The following DCDC1 variants were observed in gnomAD, a reference collection of about 807,000 sequenced individuals.
The protein encoded by DCDC1 is doublecortin domain containing 1.
In DCDC1, 200 loss-of-function variants were observed where a neutral mutation model predicts 178.3. The observed-to-expected ratio is 1.12, with a 90% CI of 1.00 to 1.26. DCDC1 has a LOEUF of 1.26. Among genes scored for constraint, DCDC1 ranks in the 50% most tolerant of loss-of-function variants. DCDC1 has a pLI of 0.00. For synonymous variants in DCDC1, 690 were observed against 604.8 expected, an observed-to-expected ratio of 1.14 and a Z score of -2.07; for missense variants, 1,983 against 1,749.2, an observed-to-expected ratio of 1.13 and a Z score of -2.38.
chr11:30,880,433 A>C (rs938918810), intron 37 of DCDC1, among the ~76,000 whole-genome samples: 4 of 152,196 alleles, frequency 2.6e-5, no homozygotes, highest in African/African-American at 9.6e-5. Context: ...TGGTTTGCCT[A>C]CATTACATAC....
intron 38 of DCDC1, among the ~76,000 whole-genome samples, chr11:30,875,539 A>C (rs1382768111): frequency 2.3e-5 from 2 of 86,584 alleles, no homozygotes; most frequent in South Asian, 3.7e-4. Context: ...ATTCGCTTCC[A>C]AATGATGCAA....
chr11:30,997,558 T>TA (rs1477311833), intron 20 of DCDC1, among the ~76,000 whole-genome samples: 1 of 152,212 alleles, frequency 6.6e-6, no homozygotes, highest in Non-Finnish European at 1.5e-5. Flanking sequence ...ATAAGTATTG[T>TA]ATGCCAGCTG....
At chr11:30,869,168 T>C (rs1941302231) in intron 38 of DCDC1, among the ~76,000 whole-genome samples, 1 of 152,246 alleles carries the variant, frequency 6.6e-6, no homozygotes, top group African/African-American at 2.4e-5. Flanking sequence ...AAGGTACAGT[T>C]GGCAAAGTAG....
At chr11:31,056,868 G>A (rs974064928) in intron 20 of DCDC1, among the ~76,000 whole-genome samples, 2 of 152,052 alleles carry the variant, frequency 1.3e-5, no homozygotes, top group African/African-American at 4.8e-5. Context: ...TTCAGAATAT[G>A]TATTTTCTCA....
At chr11:30,884,377 T>A (rs974962590) in intron 36 of DCDC1, among the ~76,000 whole-genome samples, 4 of 152,150 alleles carry the variant, frequency 2.6e-5, no homozygotes, top group African/African-American at 9.7e-5. Flanking sequence ...CCTCTCTTTT[T>A]TTTGTTACGA....
intron 10 of DCDC1, among the ~76,000 whole-genome samples, chr11:31,133,922 C>T (rs932661344): frequency 4.6e-5 from 7 of 152,242 alleles, no homozygotes; most frequent in Admixed American, 4.6e-4. Flanking sequence ...AGGCTGGTCT[C>T]GAACCCCTGG....
chr11:31,224,559 A>G (rs971825714), intron 9 of DCDC1, among the ~76,000 whole-genome samples: 1 of 152,178 alleles, frequency 6.6e-6, no homozygotes, highest in African/African-American at 2.4e-5. Flanking sequence ...CTATCAGCAG[A>G]GTAAACAGAC....
intron 31 of DCDC1, chr11:30,904,706 T>A (rs966763110): frequency 1.5e-4 from 69 of 469,474 alleles, no homozygotes; most frequent in Middle Eastern, 6.0e-4. Context: ...TTTGTTTTCC[T>A]CTTTCTTATA....
intron 9 of DCDC1, among the ~76,000 whole-genome samples, chr11:31,186,660 G>C (rs894137187): frequency 6.6e-6 from 1 of 152,224 alleles, no homozygotes; most frequent in African/African-American, 2.4e-5. Context: ...CCTGCCTACT[G>C]GGTTGAATCT....
chr11:31,326,546 A>T (rs935630792), intron 3 of DCDC1, among the ~76,000 whole-genome samples: 1 of 152,146 alleles, frequency 6.6e-6, no homozygotes, highest in African/African-American at 2.4e-5. Context: ...CTATTTAGAA[A>T]TTTTTTTATA....
chr11:31,206,849 A>T (rs1294598521), intron 9 of DCDC1, among the ~76,000 whole-genome samples: 1 of 152,232 alleles, frequency 6.6e-6, no homozygotes, highest in Non-Finnish European at 1.5e-5. Context: ...TGTAGACATC[A>T]CATTACAATC....
chr11:31,064,618 T>C lies in DCDC1; in HGVS notation c.2442A>G (p.Gln814=), dbSNP rs1956147462. 1 of 765,580 alleles carries C rather than the reference T, an allele frequency of 1.3e-6. No homozygotes were observed. The highest frequency in any genetic ancestry group is 1.7e-5 in the African/African-American group (1 of 59,090). The allele number at this position is 765,580 out of a possible 1,614,324, so 47.4% of individuals were successfully genotyped here. A position where few individuals can be genotyped will look rare whatever the true frequency, so the allele number is the denominator to read the frequency against. The part of the protein sequence containing the change: ...HGRNLAEEVL[Q]ESASNLGLKQ... ...TCAGACCAAGGTTGCTGGCACTTTC[T>C]TGCAGAACCTAATAAATGAAATATA... Residue 814 remains glutamine (Q), a synonymous_variant, in exon 20 of 39, where the codon CAA becomes CAG. Transcript: ENST00000684477.
intron 20 of DCDC1, among the ~76,000 whole-genome samples, chr11:30,957,434 C>T (rs954760434): frequency 9.9e-5 from 15 of 152,162 alleles, no homozygotes; most frequent in South Asian, 2.1e-4. Context: ...TTTACATTAC[C>T]GAAGTCAAAG....
intron 3 of DCDC1, among the ~76,000 whole-genome samples, chr11:31,323,621 T>C (rs570411827): frequency 1.3e-5 from 2 of 152,242 alleles, no homozygotes; most frequent in East Asian, 3.9e-4. Flanking sequence ...ATATTATCAT[T>C]TGTAAAACTT....
chr11:31,103,055 C>A (rs1958609702), intron 14 of DCDC1, among the ~76,000 whole-genome samples: 1 of 152,158 alleles, frequency 6.6e-6, no homozygotes, highest in African/African-American at 2.4e-5. Context: ...TTAAATCGAT[C>A]CTTACCCAGT....
intron 20 of DCDC1, among the ~76,000 whole-genome samples, chr11:30,995,293 C>T (rs1951198730): frequency 6.6e-6 from 1 of 152,074 alleles, no homozygotes; most frequent in Admixed American, 6.6e-5. Flanking sequence ...TATTCATGAA[C>T]TGGAAAACTT....
intron 9 of DCDC1, among the ~76,000 whole-genome samples, chr11:31,193,696 C>A: frequency 6.6e-6 from 1 of 152,000 alleles, no homozygotes; most frequent in East Asian, 1.9e-4. Context: ...GCCTTCCCTC[C>A]TACAGAGAGG....
At chr11:31,304,808 C>G (rs1948346457) in intron 6 of DCDC1, among the ~76,000 whole-genome samples, 1 of 152,206 alleles carries the variant, frequency 6.6e-6, no homozygotes, top group South Asian at 2.1e-4. Flanking sequence ...GTTAGACACA[C>G]TGAATTTTTA....
intron 9 of DCDC1, among the ~76,000 whole-genome samples, chr11:31,151,572 T>C (rs890847310): frequency 4.6e-5 from 7 of 152,320 alleles, no homozygotes; most frequent in African/African-American, 1.7e-4. Flanking sequence ...AAAATATCCA[T>C]TAATCTATTC....
Sources: gnomAD v4.1 joint callset for allele counts (sites outside exome capture counted in the v4.1 genomes callset) on GRCh38, gnomAD v4.1.1 for gene constraint, MANE v1.5 for transcripts, NCBI Gene and HGNC (gene_info 2026-07-23, HGNC 2026-07-21) for gene names.